Variants in GLIS1 observed in about 807,000 individuals in gnomAD.
GLIS1 encodes the protein GLIS family zinc finger 1.
Under a neutral mutation model 63.8 loss-of-function variants are expected in GLIS1, and 24 were observed. That is an observed-to-expected ratio of 0.38 (90% CI 0.27 to 0.53). The LOEUF is 0.53. GLIS1 is among the 20% of genes least tolerant of loss of function. The pLI is 0.85. For missense variants in GLIS1, 1,036 were observed against 1,074.1 expected, an observed-to-expected ratio of 0.96 and a Z score of 0.50; for synonymous variants, 450 against 482.5, an observed-to-expected ratio of 0.93 and a Z score of 0.88.
intron 2 of GLIS1, among the ~76,000 whole-genome samples, chr1:53,703,424 G>T (rs1004387925): frequency 1.3e-5 from 2 of 151,920 alleles, no homozygotes; most frequent in African/African-American, 2.4e-5. Flanking sequence ...ATCGTTTGAG[G>T]CCAGGAGTTT....
chr1:53,579,443 C>T (rs1469404217), intron 4 of GLIS1, among the ~76,000 whole-genome samples: 1 of 152,258 alleles, frequency 6.6e-6, no homozygotes, highest in African/African-American at 2.4e-5. Context: ...AAGGCTGAAA[C>T]CGCTGCTCAG....
chr1:53,610,570 C>A (rs1645415374), intron 2 of GLIS1, among the ~76,000 whole-genome samples: 1 of 152,182 alleles, frequency 6.6e-6, no homozygotes, highest in Non-Finnish European at 1.5e-5. Flanking sequence ...GCATCTTCCC[C>A]CTCAACCCTG....
intron 4 of GLIS1, among the ~76,000 whole-genome samples, chr1:53,592,662 T>A (rs1256493350): frequency 6.6e-6 from 1 of 152,152 alleles, no homozygotes; most frequent in Admixed American, 6.5e-5. Flanking sequence ...CCTTCCAGCA[T>A]CCTCTCAGCC....
chr1:53,716,757 C>A (rs1646702296), intron 2 of GLIS1, among the ~76,000 whole-genome samples: 1 of 152,074 alleles, frequency 6.6e-6, no homozygotes, highest in South Asian at 2.1e-4. Flanking sequence ...AGGATCAATA[C>A]AGAAAGCCAA....
At chr1:53,536,069 G>T (rs1438535931) in intron 4 of GLIS1, among the ~76,000 whole-genome samples, 1 of 152,144 alleles carries the variant, frequency 6.6e-6, no homozygotes, top group African/African-American at 2.4e-5. Context: ...GTAAGAAGGG[G>T]CACACTGTGG....
At chr1:53,628,398 A>G (rs757692318) in intron 2 of GLIS1, among the ~76,000 whole-genome samples, 3 of 152,108 alleles carry the variant, frequency 2.0e-5, no homozygotes, top group Non-Finnish European at 4.4e-5. Context: ...CACATCTACC[A>G]AGGGCAGGAG....
At chr1:53,592,718 C>T (rs745408076) in intron 4 of GLIS1, among the ~76,000 whole-genome samples, 3 of 152,260 alleles carry the variant, frequency 2.0e-5, no homozygotes, top group Admixed American at 6.5e-5. Context: ...CCAATGCACT[C>T]TCCCCACCAC....
Position 53,594,662 on chromosome 1 carries a change from A to G in GLIS1, c.766T>C (p.Cys256Arg). The stretch of plus-strand genomic sequence containing the variant: ...ATGGAGGTGACGTCGGAGGAGGCAC[A>G]GGGTGAGGAGGAGGCTGGGGAGGTG... ...PPTSPASSSP[C>R]ASSDVTSIIR... Residue 256 changes from cysteine (C) to arginine (R), a missense_variant, in exon 4 of 11, where the codon TGT becomes CGT. This residue lies in a region of GLIS1 where 592 missense variants were observed against 593.9 expected (regional missense o/e 1.00). Transcript: ENST00000628545. The G allele has an allele frequency of 6.5e-7, 1 of 1,534,518 alleles. No homozygotes were observed. The highest frequency in any genetic ancestry group is 8.8e-7 in the Non-Finnish European group (1 of 1,133,178).
chr1:53,602,036 C>G (rs931588423), intron 2 of GLIS1, among the ~76,000 whole-genome samples: 2 of 152,148 alleles, frequency 1.3e-5, no homozygotes, highest in Non-Finnish European at 2.9e-5. Context: ...CACGCGAGCC[C>G]GTGGAGAGGA....
At chr1:53,516,266 T>C (rs944915751) in intron 7 of GLIS1, among the ~76,000 whole-genome samples, 2 of 152,178 alleles carry the variant, frequency 1.3e-5, no homozygotes, top group Non-Finnish European at 2.9e-5. Context: ...TCTCCTTTCA[T>C]GGATGGGGTA....
chr1:53,520,563 T>A, intron 7 of GLIS1, 71 bp downstream of exon 7: 20 of 1,473,768 alleles, frequency 1.4e-5, no homozygotes, highest in Non-Finnish European at 1.7e-5. Flanking sequence ...GAGCATCACT[T>A]GTCCTTGACT....
At chr1:53,551,670 C>A (rs202084339) in intron 4 of GLIS1, among the ~76,000 whole-genome samples, 1 of 146,158 alleles carries the variant, frequency 6.8e-6, no homozygotes, top group Admixed American at 6.9e-5. Flanking sequence ...AGTCCCTCCC[C>A]GGTGAGGGCA....
rs545516530 is a variant in GLIS1 at position 53,708,797 on chromosome 1, G to A, written c.259+29009C>T. On this transcript the variant is annotated intron_variant, in intron 2 of 10. Transcript: ENST00000628545. ...CTTATGGATAAAGTGCACTCCATCC[G>A]GAACACAGCACACACTGGCAGAGCT... Among the ~76,000 whole-genome samples, 7 of 152,224 alleles carry A rather than the reference G, an allele frequency of 4.6e-5. No individual in the cohort carries two copies. The South Asian group carries it at 1.0e-3, about 23-fold the overall frequency.
intron 2 of GLIS1, among the ~76,000 whole-genome samples, chr1:53,662,551 T>A (rs546888695): frequency 6.6e-6 from 1 of 152,186 alleles, no homozygotes; most frequent in South Asian, 2.1e-4. Context: ...CAAGCGTGGA[T>A]CCTGAGGGCA....
At chr1:53,545,339 A>G (rs1172075771) in intron 4 of GLIS1, among the ~76,000 whole-genome samples, 2 of 152,224 alleles carry the variant, frequency 1.3e-5, no homozygotes, top group African/African-American at 4.8e-5. Flanking sequence ...CTCCTCAGGA[A>G]GGCAGTCTGG....
At chr1:53,670,150 G>C (rs575366108) in intron 2 of GLIS1, among the ~76,000 whole-genome samples, 2 of 152,236 alleles carry the variant, frequency 1.3e-5, no homozygotes, top group Admixed American at 1.3e-4. Flanking sequence ...TATTAAACTA[G>C]CTCTGGCCAA....
At chr1:53,507,507 C>T (rs1644247542) in intron 10 of GLIS1, among the ~76,000 whole-genome samples, 1 of 152,228 alleles carries the variant, frequency 6.6e-6, no homozygotes, top group Non-Finnish European at 1.5e-5. Flanking sequence ...TCTTCTCCAG[C>T]CCCTGCCCGA....
intron 2 of GLIS1, among the ~76,000 whole-genome samples, chr1:53,608,384 G>A (rs1275595962): frequency 2.0e-5 from 3 of 152,126 alleles, no homozygotes; most frequent in Non-Finnish European, 4.4e-5. Flanking sequence ...GGGTGTTAGG[G>A]TTTCAACATA....
intron 2 of GLIS1, among the ~76,000 whole-genome samples, chr1:53,619,392 C>T (rs1442138551): frequency 3.3e-5 from 5 of 152,220 alleles, no homozygotes; most frequent in Non-Finnish European, 7.3e-5. Context: ...GAAGGCTTCC[C>T]TGACCCTGCC....
Sources: allele counts gnomAD v4.1 joint callset (sites outside exome capture counted in the v4.1 genomes callset), GRCh38; gene constraint gnomAD v4.1.1; regional missense constraint gnomAD v4.1.1; transcripts MANE v1.5; gene names NCBI Gene and HGNC (gene_info 2026-07-23, HGNC 2026-07-21).